Variants in CLASP1 observed in about 807,000 individuals in gnomAD.
CLASP1 encodes cytoplasmic linker associated protein 1, also known as CLIP-associating protein 1.
CLASP1 carries 38 observed loss-of-function variants against 192.3 expected under a neutral mutation model. The ratio of observed to expected loss-of-function variants is 0.20; its 90% CI spans 0.15 to 0.26. The LOEUF (loss-of-function observed/expected upper bound fraction) is 0.26. Among genes scored for constraint, CLASP1 ranks in the 10% least tolerant of loss-of-function variants. The pLI, the probability that CLASP1 is intolerant of heterozygous loss-of-function variation, is 1.00. For synonymous variants in CLASP1, 691 were observed against 712.8 expected, an observed-to-expected ratio of 0.97 and a Z score of 0.49; for missense variants, 1,433 against 1,932.5, an observed-to-expected ratio of 0.74 and a Z score of 4.85.
At chr2:121,399,970 C>A (rs1416110144) in intron 28 of CLASP1, among the ~76,000 whole-genome samples, 1 of 152,068 alleles carries the variant, frequency 6.6e-6, no homozygotes, top group Non-Finnish European at 1.5e-5. Flanking sequence ...TACTACTGAG[C>A]CCATGTCCCA....
intron 2 of CLASP1, among the ~76,000 whole-genome samples, chr2:121,557,241 C>G (rs1041483704): frequency 1.3e-5 from 2 of 152,194 alleles, no homozygotes; most frequent in African/African-American, 2.4e-5. Flanking sequence ...CCTTTCTTCA[C>G]TCAGTAGATA....
At chr2:121,642,209 G>C (rs910500368) in intron 1 of CLASP1, among the ~76,000 whole-genome samples, 7 of 151,770 alleles carry the variant, frequency 4.6e-5, no homozygotes, top group Non-Finnish European at 7.4e-5. Context: ...CTTGAGTCCA[G>C]GAGTTTGAGA....
chr2:121,428,533 G>T (rs1317410878), intron 20 of CLASP1, among the ~76,000 whole-genome samples: 2 of 152,122 alleles, frequency 1.3e-5, no homozygotes, highest in Non-Finnish European at 2.9e-5. Context: ...GGCATCACTA[G>T]GGTTCAACAG....
chr2:121,404,271 C>G, intron 26 of CLASP1, 100 bp downstream of exon 27: 1 of 1,532,142 alleles, frequency 6.5e-7, no homozygotes, highest in Non-Finnish European at 8.8e-7. Context: ...AAGGTCGGAA[C>G]TGCACTATCG....
intron 6 of CLASP1, among the ~76,000 whole-genome samples, chr2:121,519,829 CT>C (rs1438079210): frequency 1.3e-5 from 2 of 152,290 alleles, no homozygotes; most frequent in Non-Finnish European, 2.9e-5. Flanking sequence ...AAGTAGGACA[CT>C]CTAATAGAGA....
At chr2:121,531,065 TAGTACTTTGTGGTTAAACC>T (rs1464437629) in intron 2 of CLASP1, 4 of 692,566 alleles carry the variant, frequency 5.8e-6, no homozygotes, top group Non-Finnish European at 1.1e-5. Flanking sequence ...GTAAATAAAC[TAGTACTTTGTGGTTAAACC>T]AGTAGAGGGT....
At chr2:121,642,132 A>G (rs2072201544) in intron 1 of CLASP1, among the ~76,000 whole-genome samples, 1 of 152,132 alleles carries the variant, frequency 6.6e-6, no homozygotes, top group East Asian at 1.9e-4. Flanking sequence ...AAAAAAAGAT[A>G]ACTACTCAGA....
intron 1 of CLASP1, among the ~76,000 whole-genome samples, chr2:121,631,136 G>A (rs1338845525): frequency 1.3e-4 from 14 of 107,884 alleles, no homozygotes; most frequent in Non-Finnish European, 1.7e-4. Context: ...TCCAGCCTGG[G>A]TGACAAAGCG....
intron 1 of CLASP1, among the ~76,000 whole-genome samples, chr2:121,628,135 G>C (rs1559812007): frequency 6.6e-6 from 1 of 152,064 alleles, no homozygotes; most frequent in African/African-American, 2.4e-5. Context: ...AATTTTTATA[G>C]TTATGTTTTA....
intron 8 of CLASP1, among the ~76,000 whole-genome samples, chr2:121,487,942 T>C (rs1352627427): frequency 6.6e-6 from 1 of 152,246 alleles, no homozygotes; most frequent in African/African-American, 2.4e-5. Flanking sequence ...GCATTCTAGC[T>C]TTGGCTATTG....
intron 30 of CLASP1, among the ~76,000 whole-genome samples, chr2:121,395,862 T>C (rs1319784918): frequency 6.6e-6 from 1 of 152,178 alleles, no homozygotes; most frequent in Admixed American, 6.5e-5. Flanking sequence ...AGGCCAAGCC[T>C]AGTCCTGAAG....
chr2:121,424,388 G>C (rs978686949), intron 22 of CLASP1, among the ~76,000 whole-genome samples: 3 of 152,194 alleles, frequency 2.0e-5, no homozygotes, highest in African/African-American at 7.2e-5. Flanking sequence ...CACAATTTAA[G>C]AATACAGTAG....
chr2:121,490,567 A>T lies in CLASP1; in HGVS notation c.712+12600T>A, dbSNP rs2093250271. ...TAAAAGTGGTATTAAAAATTTTTAAACCAGTTCTTCCCCCTCAAGAAAAAG... is the reference window on the plus strand; with the variant it reads ...TAAAAGTGGTATTAAAAATTTTTAATCCAGTTCTTCCCCCTCAAGAAAAAG... On this transcript the variant is annotated intron_variant, in intron 8 of 39. Transcript: ENST00000263710. Among the ~76,000 whole-genome samples, 4 of 152,188 alleles carry T rather than the reference A, an allele frequency of 2.6e-5. No homozygotes were observed. In the South Asian group the frequency reaches 8.3e-4, roughly 32 times the overall value.
rs541339536 is a variant in CLASP1 at position 121,601,405 on chromosome 2, TG to T, written c.195+4295del. ...CTCCTACCTCAGCCTCCCAAGTAGC[TG>T]GGATTACAGGGTGTGCCACCATGCC... On this transcript the variant is annotated intron_variant, in intron 2 of 39. Coordinates refer to ENST00000263710, the Ensembl canonical transcript of CLASP1. Among the ~76,000 whole-genome samples, 1,079 of 152,148 alleles carry T rather than the reference TG, an allele frequency of 7.1e-3. 13 individuals carry two copies. Among genetic ancestry groups the T allele is most frequent in the African/African-American group, 0.024 (990 of 41,502 alleles).
intron 7 of CLASP1, among the ~76,000 whole-genome samples, chr2:121,504,142 G>A (rs1289965862): frequency 1.3e-5 from 2 of 151,660 alleles, no homozygotes; most frequent in Middle Eastern, 3.4e-3. Flanking sequence ...TGAGGCAGGA[G>A]AATTGCTTGA....
rs2060671831 is a variant in CLASP1, at chr2:121,577,799, G to T, written c.195+27902C>A. Among the ~76,000 whole-genome samples, 3 of 152,180 alleles carry T rather than the reference G, an allele frequency of 2.0e-5. No individual in the cohort carries two copies. In the South Asian group the frequency reaches 6.2e-4, roughly 32 times the overall value. On this transcript the variant is annotated intron_variant, in intron 2 of 39. Coordinates refer to ENST00000263710, the Ensembl canonical transcript of CLASP1. ...ATATTCAAAACATGTTAGAGGCCAG[G>T]TGCAGTGGTGCATGCCTGTGATCCT...
At chr2:121,530,165 G>C (rs1319097160) in intron 3 of CLASP1, 82 bp downstream of exon 3, 22 of 1,243,150 alleles carry the variant, frequency 1.8e-5, no homozygotes, top group Non-Finnish European at 2.4e-5. Flanking sequence ...GTGGCTGCCG[G>C]GAGGGTTTGG....
intron 32 of CLASP1, among the ~76,000 whole-genome samples, chr2:121,386,672 T>G (rs2073259045): frequency 6.6e-6 from 1 of 152,238 alleles, no homozygotes; most frequent in Non-Finnish European, 1.5e-5. Context: ...GCATTCTGCT[T>G]CAAACATGAT....
At position 121,537,405 on chromosome 2, in the gene CLASP1, AAGAGAG is replaced by A. The variant is rs530114114; in HGVS notation, c.196-7086_196-7081del. Reference sequence around the variant, plus strand: ...AGATCCTGTGTCCAAGAAAAAAAAAAAGAGAGAGAGAGAGAGAGAAGCAATACCTGA... The same window carrying A: ...AGATCCTGTGTCCAAGAAAAAAAAAAAGAGAGAGAGAGAAGCAATACCTGA... On this transcript the variant is annotated intron_variant, in intron 2 of 39. Transcript: ENST00000263710. Among the ~76,000 whole-genome samples, 251 of 151,202 alleles carry A rather than the reference AAGAGAG, an allele frequency of 1.7e-3. 7 individuals carry two copies. Among genetic ancestry groups the A allele is most frequent in the Admixed American group, 0.013 (201 of 15,164 alleles).
Sources: allele counts gnomAD v4.1 joint callset (sites outside exome capture counted in the v4.1 genomes callset), GRCh38; gene constraint gnomAD v4.1.1; transcripts MANE v1.5; gene names NCBI Gene and HGNC (gene_info 2026-07-23, HGNC 2026-07-21).